The following KRIT1 variants were observed in gnomAD, a reference collection of about 807,000 sequenced individuals.
KRIT1 encodes the protein krev interaction trapped protein 1.
Under a neutral mutation model 95.8 loss-of-function variants are expected in KRIT1, and 45 were observed. That is an observed-to-expected ratio of 0.47 (90% confidence interval 0.37 to 0.60). KRIT1 has a LOEUF of 0.60. Among genes scored for constraint, KRIT1 ranks in the 20% least tolerant of loss-of-function variants. KRIT1 has a pLI of 0.00. For missense variants in KRIT1, 788 were observed against 877.5 expected, an observed-to-expected ratio of 0.90 and a Z score of 1.29; for synonymous variants, 282 against 278.8, an observed-to-expected ratio of 1.01 and a Z score of -0.11.
chr7:92,230,031 A>T (rs1177254823), intron 10 of KRIT1, among the ~76,000 whole-genome samples: 3 of 152,242 alleles, frequency 2.0e-5, no homozygotes, highest in Non-Finnish European at 4.4e-5. Context: ...ACACTGAAAT[A>T]CATCTAAAAG....
At chr7:92,233,938 C>T (rs1247585258) in intron 10 of KRIT1, among the ~76,000 whole-genome samples, 2 of 152,172 alleles carry the variant, frequency 1.3e-5, no homozygotes, top group Non-Finnish European at 2.9e-5. Flanking sequence ...AACCCCAATC[C>T]TGTCCCAACA....
Position 92,201,295 on chromosome 7 carries a change from A to T in KRIT1, c.2142+12T>A. ...ACAATAGTTTATGAAGTCCAAAATA[A>T]ATGATACTTACCTGTTTTGTATGTA... is the stretch of plus-strand genomic sequence containing the variant. On this transcript the variant is annotated intron_variant, in intron 18 of 18. Transcript: ENST00000394505. The T allele has an allele frequency of 8.4e-7, 1 of 1,186,180 alleles. No homozygotes were observed. The highest frequency in any genetic ancestry group is 1.5e-5 in the African/African-American group (1 of 66,690). The allele number at this position is 1,186,180 out of a possible 1,614,324, so 73.5% of individuals were successfully genotyped here.
At chr7:92,204,483 C>A (rs182115967) in intron 17 of KRIT1, among the ~76,000 whole-genome samples, 1 of 151,560 alleles carries the variant, frequency 6.6e-6, no homozygotes, top group South Asian at 2.1e-4. Context: ...TAATATGTAA[C>A]GAAATAATTA....
rs757560062 is a variant in KRIT1 at position 92,236,500 on chromosome 7, T to TA, written c.397dup (p.Tyr133LeufsTer11). On this transcript the variant is annotated frameshift_variant, in exon 7 of 19. Coordinates refer to ENST00000394505, the MANE Select transcript of KRIT1 (RefSeq NM_194454.3). LOFTEE classifies it high-confidence loss of function. ...GACTCGCATAATATCTTGTAAGCAG[T>TA]AAAAAATTGGGCATCCTGGGGTATA... The TA allele has an allele frequency of 1.3e-6, 2 of 1,584,632 alleles. No homozygotes were observed. Among genetic ancestry groups the TA allele is most frequent in the South Asian group, 1.1e-5 (1 of 90,432 alleles).
At chr7:92,225,212 T>C (rs908883442) in intron 12 of KRIT1, among the ~76,000 whole-genome samples, 2 of 152,148 alleles carry the variant, frequency 1.3e-5, no homozygotes, top group African/African-American at 4.8e-5. Context: ...AAATTTTAAG[T>C]GTTTTGAAAG....
chr7:92,199,146 G>C (rs926299006), downstream of KRIT1: 7 of 152,200 alleles, frequency 4.6e-5, no homozygotes, highest in African/African-American at 1.7e-4. Flanking sequence ...TTAGGTTTGG[G>C]AGTCAACAGG....
In KRIT1 at chr7:92,201,299, A is replaced by G; in HGVS notation, c.2142+8T>C. Reference sequence around the variant, plus strand: ...TAGTTTATGAAGTCCAAAATAAATGATACTTACCTGTTTTGTATGTACTAT... The same window carrying G: ...TAGTTTATGAAGTCCAAAATAAATGGTACTTACCTGTTTTGTATGTACTAT... On this transcript the variant is annotated splice_region_variant and intron_variant, in intron 18 of 18. Transcript: ENST00000394505. The G allele has an allele frequency of 8.2e-7, 1 of 1,215,340 alleles. No individual in the cohort carries two copies. The highest frequency in any genetic ancestry group is 1.2e-6 in the Non-Finnish European group (1 of 816,514). 75.3% of individuals were successfully genotyped at this position (1,215,340 alleles called of 1,614,324 possible). A position where few individuals can be genotyped will look rare whatever the true frequency, so the allele number is the denominator to read the frequency against.
Position 92,226,609 on chromosome 7 carries a change from G to C in KRIT1, c.1063C>G (p.Leu355Val), listed in dbSNP as rs182763805. The change falls in exon 11 of 19, where the codon CTT becomes GTT. Residue 355 changes from leucine to valine, a missense_variant. Around this residue, in one of 3 missense-constraint regions of KRIT1, gnomAD observed 493 missense variants for 582.3 expected, o/e 0.85. Transcript: ENST00000394505. ...KCNPNLLNGQ[L>V]SSPLHFAAGG... ...GCAGCAAAATGAAGAGGAGAACTAAGTTGTCCATTTAAAAGGTTTGGATTG... is the reference window on the plus strand; with the variant it reads ...GCAGCAAAATGAAGAGGAGAACTAACTTGTCCATTTAAAAGGTTTGGATTG... 6.2e-7 allele frequency: 1 copy of C among 1,612,996 alleles called. No homozygotes were observed. Among genetic ancestry groups the C allele is most frequent in the Non-Finnish European group, 8.5e-7 (1 of 1,179,224 alleles).
At chr7:92,237,560 TATA>T (rs1416348615) in intron 6 of KRIT1, 104 bp downstream of exon 6, 21 of 502,054 alleles carry the variant, frequency 4.2e-5, no homozygotes, top group Admixed American at 1.4e-4. Context: ...ATATGTATTT[TATA>T]ATATTATAGT....
intron 12 of KRIT1, among the ~76,000 whole-genome samples, chr7:92,223,692 C>T (rs1053900163): frequency 1.3e-5 from 2 of 151,982 alleles, no homozygotes; most frequent in South Asian, 4.2e-4. Context: ...ACATATAATA[C>T]AACAGAAATG....
At chr7:92,232,632 T>C (rs1797544625) in intron 10 of KRIT1, among the ~76,000 whole-genome samples, 1 of 152,196 alleles carries the variant, frequency 6.6e-6, no homozygotes, top group African/African-American at 2.4e-5. Flanking sequence ...AGTATACTTT[T>C]TTGGAATCTG....
intron 10 of KRIT1, among the ~76,000 whole-genome samples, chr7:92,229,099 T>C (rs532991190): frequency 6.6e-6 from 1 of 152,352 alleles, no homozygotes; most frequent in East Asian, 1.9e-4. Context: ...CCTCTGGGTA[T>C]ATACACAGTA....
chr7:92,207,812 T>C (rs972329676), intron 17 of KRIT1, among the ~76,000 whole-genome samples: 3 of 152,104 alleles, frequency 2.0e-5, no homozygotes, highest in East Asian at 1.9e-4. Flanking sequence ...TGAGCTGAAA[T>C]TGCTCACTGC....
At chr7:92,202,736 A>G (rs537929199) in intron 17 of KRIT1, among the ~76,000 whole-genome samples, 1 of 152,232 alleles carries the variant, frequency 6.6e-6, no homozygotes, top group Non-Finnish European at 1.5e-5. Flanking sequence ...ATAAATAAAT[A>G]AAATAAATAA....
intron 17 of KRIT1, among the ~76,000 whole-genome samples, chr7:92,211,238 C>G (rs972023393): frequency 3.3e-5 from 5 of 152,174 alleles, no homozygotes; most frequent in African/African-American, 9.7e-5. Context: ...GACTGCAGCA[C>G]TATTCACAAT....
At chr7:92,241,701 CCAAAAA>C (rs1799686332) in intron 4 of KRIT1, among the ~76,000 whole-genome samples, 3 of 152,082 alleles carry the variant, frequency 2.0e-5, no homozygotes, top group South Asian at 2.1e-4. Flanking sequence ...GGAAAAATAA[CCAAAAA>C]CAAAGTTTGG....
intron 17 of KRIT1, among the ~76,000 whole-genome samples, chr7:92,211,165 A>C (rs1792721283): frequency 6.6e-6 from 1 of 152,236 alleles, no homozygotes; most frequent in South Asian, 2.1e-4. Context: ...ATGAACCAGC[A>C]ATCTCACTAC....
chr7:92,240,919 T>A (rs940591714), intron 5 of KRIT1, 74 bp downstream of exon 5: 180 of 1,178,452 alleles, frequency 1.5e-4, no homozygotes, highest in Admixed American at 2.1e-4. Context: ...TGGTTTAATA[T>A]GTGTATATTT....
Position 92,231,151 on chromosome 7 carries a change from T to C in KRIT1, c.989+3298A>G, listed in dbSNP as rs2131594062. The stretch of plus-strand genomic sequence containing the variant: ...CGGGAAGAATAAAGAAGTGAGAGAA[T>C]ATGAAATGTCAGTGAGACATTTACT... On this transcript the variant is annotated intron_variant, in intron 10 of 18. Coordinates refer to ENST00000394505, the MANE Select transcript of KRIT1 (RefSeq NM_194454.3). Among the ~76,000 whole-genome samples the C allele has an allele frequency of 2.0e-5, 3 of 152,242 alleles. No homozygotes were observed. The South Asian group carries it at 6.2e-4, about 32-fold the overall frequency.
Sources: gnomAD v4.1 joint callset for allele counts (sites outside exome capture counted in the v4.1 genomes callset) on GRCh38, gnomAD v4.1.1 for gene constraint, gnomAD v4.1.1 regional missense constraint, MANE v1.5 for transcripts, NCBI Gene and HGNC (gene_info 2026-07-23, HGNC 2026-07-21) for gene names.